The following TNFRSF25 variants were observed in gnomAD, a reference collection of about 807,000 sequenced individuals.
TNFRSF25 encodes the protein tumor necrosis factor receptor superfamily member 25.
TNFRSF25 carries 28 observed loss-of-function variants against 49.4 expected under a neutral mutation model. The observed-to-expected ratio is 0.57, with a 90% CI of 0.42 to 0.78. TNFRSF25 has a LOEUF of 0.78. TNFRSF25 is among the 30% of genes least tolerant of loss of function. TNFRSF25 has a pLI of 0.00. For synonymous variants in TNFRSF25, 240 were observed against 234.2 expected (o/e 1.02, Z -0.23); for missense variants, 531 against 581.6 (o/e 0.91, Z 0.90).
intron 1 of TNFRSF25, 171 bp from the exon 2 acceptor site, chr1:6,465,731 C>A: frequency 3.5e-6 from 5 of 1,433,372 alleles, no homozygotes; most frequent in Non-Finnish European, 4.6e-6. Context: ...TCCTTCCCCC[C>A]GCGCACACAC....
At chr1:6,465,914 C>T (rs1392100669) in intron 1 of TNFRSF25, 155 bp downstream of exon 1, 2 of 1,437,356 alleles carry the variant, frequency 1.4e-6, no homozygotes, top group African/African-American at 2.9e-5. Context: ...AGTGGAAGGG[C>T]TACGCCCTGG....
chr1:6,462,350 G>T lies in TNFRSF25; in HGVS notation c.745-176C>A. On this transcript the variant is annotated intron_variant, in intron 8 of 9. Coordinates refer to ENST00000356876, the MANE Select transcript of TNFRSF25 (RefSeq NM_003790.3). The surrounding 1 kb of genome is among the most constrained non-coding windows in gnomAD (Gnocchi z 4.2). ...CCAGCAGAACTCTTGCTTCTGCCTT[G>T]AGTCCCCTGCCCCCGCCTCCTTCCT... The T allele has an allele frequency of 8.7e-7, 1 of 1,145,416 alleles. No individual in the cohort carries two copies. The highest frequency in any genetic ancestry group is 1.2e-6 in the Non-Finnish European group (1 of 834,320). The allele number at this position is 1,145,416 out of a possible 1,614,324, so 71.0% of individuals were successfully genotyped here. A position where few individuals can be genotyped will look rare whatever the true frequency, so the allele number is the denominator to read the frequency against.
At chr1:6,464,787 G>C in intron 3 of TNFRSF25, 68 bp from the exon 4 acceptor site, 1 of 1,557,904 alleles carries the variant, frequency 6.4e-7, no homozygotes, top group Non-Finnish European at 8.8e-7. Context: ...TGGAGAGGCA[G>C]AGGCATTATC....
chr1:6,461,584 G>C lies in TNFRSF25; in HGVS notation c.1104C>G (p.Ile368Met), dbSNP rs1163326417. ...EAEIEAVEVE[I>M]GRFRDQQYEM... is the part of the protein sequence containing the mutation. Reference sequence around the variant, plus strand: ...CGTACTGCTGGTCTCGGAAGCGGCCGATCTCCACCTCCACGGCTTCGATCT... The same window carrying C: ...CGTACTGCTGGTCTCGGAAGCGGCCCATCTCCACCTCCACGGCTTCGATCT... The change falls in exon 10 of 10, where the codon ATC becomes ATG. Residue 368 changes from isoleucine to methionine, a missense_variant. Transcript: ENST00000356876. This position sits in a 1 kb window ranked among gnomAD's most constrained non-coding sequence, Gnocchi z 6.3. The C allele has an allele frequency of 3.1e-6, 5 of 1,610,404 alleles. No homozygotes were observed. The highest frequency in any genetic ancestry group is 3.3e-5 in the Admixed American group (2 of 59,956).
chr1:6,465,041 AG>A lies in TNFRSF25; in HGVS notation c.295+46del, dbSNP rs754525698. 5.6e-5 allele frequency: 88 copies of A among 1,575,192 alleles called. No individual in the cohort carries two copies. In the East Asian group the frequency reaches 2.0e-3, roughly 35 times the overall value. ...CCCGAGCCAGCCACTTCCTTCAGAAAGGCCTGTCCTTAGGAACTCCCTGCCA... is the reference window on the plus strand; with the variant it reads ...CCCGAGCCAGCCACTTCCTTCAGAAAGCCTGTCCTTAGGAACTCCCTGCCA... On this transcript the variant is annotated intron_variant, in intron 3 of 9. Transcript: ENST00000356876.
chr1:6,463,465 G>A (rs530383987), intron 5 of TNFRSF25: 18 of 303,762 alleles, frequency 5.9e-5, no homozygotes, highest in East Asian at 3.5e-4. Flanking sequence ...GGTGGCTCAT[G>A]CCTGTAATCC....
In TNFRSF25 at chr1:6,465,426, CT is replaced by C; in HGVS notation, c.160+13del. On this transcript the variant is annotated intron_variant, in intron 2 of 9. Transcript: ENST00000356876. Reference sequence around the variant, plus strand: ...TGCCTGCCCCATGCCTCTCCCACCCCTGTGGCCACTTACCCGCTGGGCAGCC... The same window carrying C: ...TGCCTGCCCCATGCCTCTCCCACCCCGTGGCCACTTACCCGCTGGGCAGCC... 1 of 1,613,946 alleles carries C rather than the reference CT, an allele frequency of 6.2e-7. No homozygotes were observed. The highest frequency in any genetic ancestry group is 1.1e-5 in the South Asian group (1 of 91,086).
Position 6,461,595 on chromosome 1 carries a change from C to T in TNFRSF25, c.1093G>A (p.Glu365Lys). ...GLREAEIEAV[E>K]VEIGRFRDQQ... ...TCTCGGAAGCGGCCGATCTCCACCT[C>T]CACGGCTTCGATCTCTGCCTCGCGC... is the stretch of plus-strand genomic sequence containing the variant. The change falls in exon 10 of 10, where the codon GAG (glutamate) becomes AAG (lysine). Residue 365 changes from glutamate to lysine, a missense_variant. Transcript: ENST00000356876. This position sits in a 1 kb window ranked among gnomAD's most constrained non-coding sequence, Gnocchi z 6.3. 6.2e-7 allele frequency: 1 copy of T among 1,610,456 alleles called. No individual in the cohort carries two copies. The highest frequency in any genetic ancestry group is 2.2e-5 in the East Asian group (1 of 44,862).
At chr1:6,464,275 C>T in intron 5 of TNFRSF25, 100 bp downstream of exon 5, 1 of 1,537,184 alleles carries the variant, frequency 6.5e-7, no homozygotes, top group Non-Finnish European at 8.8e-7. Flanking sequence ...TCCTCCCTAT[C>T]CCCTCTTCCT....
At position 6,461,530 on chromosome 1, in the gene TNFRSF25, C is replaced by A. The variant is rs1003183687; in HGVS notation, c.1158G>T (p.Gln386His). Residue 386 changes from glutamine to histidine, a missense_variant, in exon 10 of 10, where the codon CAG (glutamine) becomes CAT (histidine). Physicochemically the swap from Gln to His is conservative, Grantham distance 24. Transcript: ENST00000356876. The surrounding 1 kb of genome is among the most constrained non-coding windows in gnomAD (Gnocchi z 6.3). ...CGTAAACGGCTCCGAGGCCCGCGGG[C>A]TGCTGCTGGCGCCAGCGCTTGAGCA... ...YEMLKRWRQQ[Q>H]PAGLGAVYAA... 3.1e-6 allele frequency: 5 copies of A among 1,606,898 alleles called. No individual in the cohort carries two copies. In the East Asian group the frequency reaches 8.9e-5, roughly 29 times the overall value.
rs763636446 is a variant in TNFRSF25, at chr1:6,462,850, T to C, written c.706+13A>G. ...CCAGGCTTCTGGGTGCGTGTGTGGG[T>C]GTGTGTACTTACCAGTAACCAGGGG... On this transcript the variant is annotated intron_variant, in intron 7 of 9. Transcript: ENST00000356876. The surrounding 1 kb of genome is among the most constrained non-coding windows in gnomAD (Gnocchi z 4.2). 2.1e-5 allele frequency: 33 copies of C among 1,601,104 alleles called. No homozygotes were observed. Among genetic ancestry groups the C allele is most frequent in the Non-Finnish European group, 2.6e-5 (30 of 1,173,434 alleles).
chr1:6,463,103 C>G lies in TNFRSF25; in HGVS notation c.567G>C (p.Glu189Asp). The change falls in exon 6 of 10, where the codon GAG (glutamate) becomes GAC (aspartate). Residue 189 changes from glutamate (E) to aspartate (D), a missense_variant. Transcript: ENST00000356876. ...TCCAGCCACAGACAGCGGCACAGCGCTCTGGACAGCTCCCCAGGGTGCTCC... is the reference window on the plus strand; with the variant it reads ...TCCAGCCACAGACAGCGGCACAGCGGTCTGGACAGCTCCCCAGGGTGCTCC... ...CPTSTLGSCP[E>D]RCAAVCGWRQ... 6.4e-7 allele frequency: 1 copy of G among 1,551,748 alleles called. No individual in the cohort carries two copies. Among genetic ancestry groups the G allele is most frequent in the Non-Finnish European group, 8.7e-7 (1 of 1,147,046 alleles).
intron 2 of TNFRSF25, 67 bp downstream of exon 2, chr1:6,465,373 C>T (rs1351567384): frequency 6.2e-7 from 1 of 1,607,770 alleles, no homozygotes; most frequent in Non-Finnish European, 8.5e-7. Context: ...CTCTTACCTC[C>T]CGGGCCTGCC....
At position 6,464,732 on chromosome 1, in the gene TNFRSF25, C is replaced by A; in HGVS notation, c.296-13G>T. The A allele has an allele frequency of 1.2e-6, 2 of 1,610,818 alleles. No homozygotes were observed. Among genetic ancestry groups the A allele is most frequent in the Non-Finnish European group, 1.7e-6 (2 of 1,178,108 alleles). On this transcript the variant is annotated splice_polypyrimidine_tract_variant and intron_variant, in intron 3 of 9. Transcript: ENST00000356876. ...GCCACCTGGGAGGCTGGTGGGGGTGCAGGGAGATGGGGAGTGGAGAGTTAG... is the reference window on the plus strand; with the variant it reads ...GCCACCTGGGAGGCTGGTGGGGGTGAAGGGAGATGGGGAGTGGAGAGTTAG...
Position 6,461,458 on chromosome 1 carries a change from G to A in TNFRSF25, c.1230C>T (p.Arg410=). ...MGLDGCVEDL[R]SRLQRGP ...GTCACGGGCCGCGCTGCAGGCGGCT[G>A]CGCAAGTCTTCCACGCAGCCGTCCA... Residue 410 remains arginine, a synonymous_variant, in exon 10 of 10, where the codon CGC becomes CGT. Transcript: ENST00000356876. This position sits in a 1 kb window ranked among gnomAD's most constrained non-coding sequence, Gnocchi z 6.3. 1.9e-6 allele frequency: 3 copies of A among 1,540,964 alleles called. No homozygotes were observed. The highest frequency in any genetic ancestry group is 2.6e-6 in the Non-Finnish European group (3 of 1,145,044).
rs776716132 is a variant in TNFRSF25, at chr1:6,461,410, C to T, written c.*24G>A. 1.3e-6 allele frequency: 2 copies of T among 1,483,734 alleles called. No individual in the cohort carries two copies. Among genetic ancestry groups the T allele is most frequent in the South Asian group, 1.4e-5 (1 of 72,814 alleles). 91.9% of individuals were successfully genotyped at this position (1,483,734 alleles called of 1,614,324 possible). The stretch of plus-strand genomic sequence containing the variant: ...GGCTTCTGCAAGGGCCACCAGAGCG[C>T]CTAGGTGGCAAGTGGGCGCCGTGTC... On this transcript the variant is annotated 3_prime_UTR_variant, in exon 10 of 10. Coordinates refer to ENST00000356876, the MANE Select transcript of TNFRSF25 (RefSeq NM_003790.3). This position sits in a 1 kb window ranked among gnomAD's most constrained non-coding sequence, Gnocchi z 6.3.
Position 6,465,336 on chromosome 1 carries a change from C to G in TNFRSF25, c.160+104G>C. ...CTCCAGCTCCCTACTTCTCTGTCAG[C>G]CTACCCCTACCTCCCCTGCCAGCCT... On this transcript the variant is annotated intron_variant, in intron 2 of 9. Coordinates refer to ENST00000356876, the MANE Select transcript of TNFRSF25 (RefSeq NM_003790.3). 3.8e-6 allele frequency: 6 copies of G among 1,577,462 alleles called. No homozygotes were observed. The Admixed American group carries it at 1.0e-4, about 27-fold the overall frequency.
At chr1:6,465,387 CA>C (rs1557728815) in intron 2 of TNFRSF25, 52 bp downstream of exon 2, 1 of 1,610,520 alleles carries the variant, frequency 6.2e-7, no homozygotes, top group Non-Finnish European at 8.5e-7. Context: ...GCCTGCCCGC[CA>C]CCTCTCCAGC....
Position 6,464,365 on chromosome 1 carries a change from T to C in TNFRSF25, c.542+10A>G. ...GCCCTTCCCTCCATCCCACGACAGC[T>C]AGGAATTACGTGGGGCAGGACACGC... On this transcript the variant is annotated intron_variant, in intron 5 of 9. Coordinates refer to ENST00000356876, the MANE Select transcript of TNFRSF25 (RefSeq NM_003790.3). 1 of 1,603,124 alleles carries C rather than the reference T, an allele frequency of 6.2e-7. No homozygotes were observed.
Sources: allele counts gnomAD v4.1 joint callset, GRCh38; gene constraint gnomAD v4.1.1; non-coding constraint Gnocchi (gnomAD v3.1); transcripts MANE v1.5; gene names NCBI Gene and HGNC (gene_info 2026-07-23, HGNC 2026-07-21).